GPC6: variants seen among roughly 807,000 people sequenced by gnomAD.
GPC6 encodes the protein glypican-6.
In GPC6, 14 loss-of-function variants were observed where a neutral mutation model predicts 55.2. The observed-to-expected ratio is 0.25, with a 90% CI of 0.17 to 0.40. GPC6 has a LOEUF of 0.40. Ranked by LOEUF, GPC6 falls within the 10% of genes least tolerant of loss-of-function variation. The pLI is 1.00. For synonymous variants in GPC6, 278 were observed against 259.6 expected (o/e 1.07, Z -0.68); for missense variants, 641 against 708.5 (o/e 0.90, Z 1.08).
At chr13:93,540,385 T>C (rs948458482) in intron 1 of GPC6, among the ~76,000 whole-genome samples, 2 of 152,186 alleles carry the variant, frequency 1.3e-5, no homozygotes, top group Non-Finnish European at 2.9e-5. Flanking sequence ...AGTATTTCTC[T>C]GAAATCCTAA....
chr13:94,052,608 T>C (rs1883992072), intron 4 of GPC6, among the ~76,000 whole-genome samples: 1 of 152,196 alleles, frequency 6.6e-6, no homozygotes, highest in African/African-American at 2.4e-5. Context: ...CTCAATGTTA[T>C]ATCCCTCAGT....
chr13:93,772,281 C>A (rs1169063056), intron 2 of GPC6, among the ~76,000 whole-genome samples: 5 of 152,078 alleles, frequency 3.3e-5, no homozygotes, highest in Non-Finnish European at 5.9e-5. Context: ...TTACAGATGT[C>A]TGTGAGAAAA....
intron 3 of GPC6, among the ~76,000 whole-genome samples, chr13:93,914,190 A>G (rs972256776): frequency 2.0e-5 from 3 of 152,064 alleles, no homozygotes; most frequent in African/African-American, 7.2e-5. Flanking sequence ...AACATTAGGT[A>G]TATCTCCTAA....
chr13:93,873,534 A>G (rs994714608), intron 3 of GPC6, among the ~76,000 whole-genome samples: 17 of 151,980 alleles, frequency 1.1e-4, no homozygotes, highest in African/African-American at 3.6e-4. Flanking sequence ...TATTGGTATC[A>G]TTTGGGTAGA....
In GPC6 at chr13:94,404,058, G is replaced by T. The variant is rs1881269397; in HGVS notation, c.*841G>T. 6.6e-6 allele frequency: 1 copy of T among 152,046 alleles called. No individual in the cohort carries two copies. The highest frequency in any genetic ancestry group is 1.5e-5 in the Non-Finnish European group (1 of 68,036). 9.4% of individuals were successfully genotyped at this position (152,046 alleles called of 1,614,324 possible). On this transcript the variant is annotated 3_prime_UTR_variant, in exon 9 of 9. Transcript: ENST00000377047. Reference sequence around the variant, plus strand: ...ACCCCCATCAATTCACCTTCCTCAAGAGTCTCAATTGAAAATAATCTTTGA... The same window carrying T: ...ACCCCCATCAATTCACCTTCCTCAATAGTCTCAATTGAAAATAATCTTTGA...
intron 3 of GPC6, among the ~76,000 whole-genome samples, chr13:93,985,716 A>G (rs1880999527): frequency 6.9e-6 from 1 of 145,754 alleles, no homozygotes; most frequent in Non-Finnish European, 1.5e-5. Context: ...AAAAAAAATT[A>G]AAAAACGGAG....
chr13:93,270,837 A>G (rs1203602038), intron 1 of GPC6, among the ~76,000 whole-genome samples: 1 of 152,126 alleles, frequency 6.6e-6, no homozygotes, highest in East Asian at 1.9e-4. Context: ...GTTTAGCACC[A>G]GATGAGAAGC....
At chr13:93,792,760 G>A (rs1040087051) in intron 2 of GPC6, among the ~76,000 whole-genome samples, 6 of 152,194 alleles carry the variant, frequency 3.9e-5, no homozygotes, top group African/African-American at 1.4e-4. Context: ...GCATCCTAAG[G>A]ACCTGATAAC....
At chr13:93,590,903 G>A (rs1467706911) in intron 2 of GPC6, among the ~76,000 whole-genome samples, 1 of 151,994 alleles carries the variant, frequency 6.6e-6, no homozygotes, top group Admixed American at 6.6e-5. Context: ...GAGCTAGTGG[G>A]TGCAGCGCAC....
rs140485950 is a variant in GPC6 at position 94,061,757 on chromosome 13, G to A, written c.877+33863G>A. ...AACCTGCTTGAGAAAGTGTATTGTT[G>A]ATGTATGACATCCATCGGGGAGAGT... On this transcript the variant is annotated intron_variant, in intron 4 of 8. Transcript: ENST00000377047. 1.4e-3 allele frequency among the ~76,000 whole-genome samples: 211 copies of A among 151,020 alleles called. 1 individual carries two copies. In the Middle Eastern group the frequency reaches 0.017, roughly 12 times the overall value.
intron 2 of GPC6, among the ~76,000 whole-genome samples, chr13:93,605,563 G>A (rs1263364332): frequency 1.3e-5 from 2 of 151,994 alleles, no homozygotes; most frequent in African/African-American, 2.4e-5. Flanking sequence ...GCTGGGTGCC[G>A]TGGTGGCTCA....
chr13:93,909,861 C>G (rs1876870924), intron 3 of GPC6, among the ~76,000 whole-genome samples: 1 of 152,130 alleles, frequency 6.6e-6, no homozygotes. Context: ...TATCTCCCTC[C>G]TCTTCCTTCT....
At chr13:94,400,749 C>T (rs985390123) in intron 8 of GPC6, among the ~76,000 whole-genome samples, 2 of 152,168 alleles carry the variant, frequency 1.3e-5, no homozygotes, top group African/African-American at 2.4e-5. Context: ...ATCACCACTT[C>T]GGACTAGCAG....
At chr13:93,697,194 C>A (rs528899659) in intron 2 of GPC6, among the ~76,000 whole-genome samples, 7 of 152,240 alleles carry the variant, frequency 4.6e-5, no homozygotes, top group African/African-American at 1.7e-4. Flanking sequence ...CACTTCCCTT[C>A]ACCCATTGCC....
intron 2 of GPC6, among the ~76,000 whole-genome samples, chr13:93,707,078 G>A (rs1391477256): frequency 6.6e-6 from 1 of 151,666 alleles, no homozygotes; most frequent in East Asian, 2.0e-4. Flanking sequence ...CTTGGGGATA[G>A]GCTTGAAAGT....
intron 7 of GPC6, among the ~76,000 whole-genome samples, chr13:94,388,724 C>T (rs1594232934): frequency 6.6e-6 from 1 of 152,148 alleles, no homozygotes; most frequent in African/African-American, 2.4e-5. Context: ...AGACAATGGC[C>T]TCCTTACTGT....
chr13:94,396,144 C>A (rs151117248), intron 7 of GPC6, among the ~76,000 whole-genome samples: 97 of 152,314 alleles, frequency 6.4e-4, no homozygotes, highest in African/African-American at 2.2e-3. Context: ...TCTCCTGTGG[C>A]CAGCCCCAGG....
At chr13:93,453,003 T>C (rs1878285929) in intron 1 of GPC6, among the ~76,000 whole-genome samples, 1 of 152,232 alleles carries the variant, frequency 6.6e-6, no homozygotes, top group Non-Finnish European at 1.5e-5. Flanking sequence ...TAAGCTTAAC[T>C]TATGTACCCT....
At chr13:94,150,814 G>A (rs1220120016) in intron 4 of GPC6, among the ~76,000 whole-genome samples, 7 of 100,662 alleles carry the variant, frequency 7.0e-5, no homozygotes, top group South Asian at 3.8e-4. Flanking sequence ...GAGATCAGCA[G>A]TATATATATA....
Sources: gnomAD v4.1 joint callset for allele counts (sites outside exome capture counted in the v4.1 genomes callset) on GRCh38, gnomAD v4.1.1 for gene constraint, MANE v1.5 for transcripts, NCBI Gene and HGNC (gene_info 2026-07-23, HGNC 2026-07-21) for gene names.